The following NYAP2 variants were observed in gnomAD, a reference collection of about 807,000 sequenced individuals.
NYAP2 encodes neuronal tyrosine-phosphorylated phosphoinositide-3-kinase adapter 2.
In NYAP2, 23 loss-of-function variants were observed where a neutral mutation model predicts 50.4. That is an observed-to-expected ratio of 0.46 (90% CI 0.33 to 0.65). The LOEUF (loss-of-function observed/expected upper bound fraction) is 0.65, where lower values mean the gene tolerates loss of function less well. Ranked by LOEUF, NYAP2 falls within the 30% of genes least tolerant of loss-of-function variation. NYAP2 has a pLI of 0.02. For synonymous variants in NYAP2, 394 were observed against 365.2 expected (o/e 1.08, Z -0.90); for missense variants, 885 against 861.0 (o/e 1.03, Z -0.35).
chr2:225,522,029 CCATTTCT>C (rs1691068742), intron 4 of NYAP2, among the ~76,000 whole-genome samples: 1 of 151,994 alleles, frequency 6.6e-6, no homozygotes, highest in Admixed American at 6.6e-5. Flanking sequence ...AGGAATTTAT[CCATTTCT>C]TCCAGATTTT....
intron 3 of NYAP2, among the ~76,000 whole-genome samples, chr2:225,436,503 C>T (rs901843595): frequency 9.9e-5 from 15 of 152,178 alleles, no homozygotes; most frequent in Non-Finnish European, 1.8e-4. Context: ...TTTGTAATAA[C>T]GACACCAGTC....
intron 3 of NYAP2, among the ~76,000 whole-genome samples, chr2:225,512,274 C>T (rs182474643): frequency 3.3e-5 from 5 of 152,272 alleles, no homozygotes; most frequent in Non-Finnish European, 5.9e-5. Context: ...TTTGCATACA[C>T]TGAATATTTA....
At chr2:225,405,058 T>C (rs1027855538) in intron 2 of NYAP2, among the ~76,000 whole-genome samples, 8 of 152,028 alleles carry the variant, frequency 5.3e-5, no homozygotes, top group Non-Finnish European at 1.0e-4. Context: ...ATGAAGACCA[T>C]GGATGCTCAT....
chr2:225,415,463 G>C (rs752719761), intron 3 of NYAP2, among the ~76,000 whole-genome samples: 2 of 152,032 alleles, frequency 1.3e-5, no homozygotes, highest in African/African-American at 4.8e-5. Context: ...TAATTACACA[G>C]AGAGCTCTTA....
chr2:225,553,925 C>A (rs960684983), intron 4 of NYAP2, among the ~76,000 whole-genome samples: 7 of 152,114 alleles, frequency 4.6e-5, no homozygotes, highest in African/African-American at 1.4e-4. Context: ...GAGGCTGAGG[C>A]AGGAGAATCG....
intron 4 of NYAP2, among the ~76,000 whole-genome samples, chr2:225,531,708 A>G (rs182248727): frequency 7.1e-4 from 108 of 152,342 alleles, no homozygotes; most frequent in Admixed American, 1.2e-3. Flanking sequence ...AGAGAAAAGC[A>G]TGGTGATTTA....
At chr2:225,405,019 A>G (rs1007949006) in intron 2 of NYAP2, among the ~76,000 whole-genome samples, 1 of 152,094 alleles carries the variant, frequency 6.6e-6, no homozygotes, top group Non-Finnish European at 1.5e-5. Context: ...AACATTGTGC[A>G]TTGCAAAGAG....
intron 3 of NYAP2, among the ~76,000 whole-genome samples, chr2:225,511,329 C>A (rs200507076): frequency 3.1e-5 from 2 of 63,852 alleles, no homozygotes; most frequent in African/African-American, 8.3e-5. Context: ...TTCTTTAAAA[C>A]ACACACACAC....
At chr2:225,452,906 A>G (rs979313227) in intron 3 of NYAP2, among the ~76,000 whole-genome samples, 2 of 152,142 alleles carry the variant, frequency 1.3e-5, no homozygotes, top group Non-Finnish European at 2.9e-5. Context: ...CGGCACAGTA[A>G]CCAAATGCCT....
the NYAP2 span, among the ~76,000 whole-genome samples, chr2:225,692,757 A>T: frequency 6.6e-6 from 1 of 152,002 alleles, no homozygotes; most frequent in Non-Finnish European, 1.5e-5. Context: ...CAGGATCCCA[A>T]TCAAGTCATT....
At chr2:225,674,444 T>C in the NYAP2 span, among the ~76,000 whole-genome samples, 2 of 152,054 alleles carry the variant, frequency 1.3e-5, no homozygotes, top group South Asian at 2.1e-4. Flanking sequence ...TTTGGAAAAA[T>C]TGACAAGGAA....
chr2:225,667,660 G>T, the NYAP2 span, among the ~76,000 whole-genome samples: 2 of 152,156 alleles, frequency 1.3e-5, no homozygotes, highest in Non-Finnish European at 2.9e-5. Context: ...ATGACAGGGG[G>T]ATTGTAGAAG....
At chr2:225,568,194 T>C (rs549637535) in intron 4 of NYAP2, among the ~76,000 whole-genome samples, 3 of 152,314 alleles carry the variant, frequency 2.0e-5, no homozygotes, top group Admixed American at 2.0e-4. Flanking sequence ...TAACTTGTGA[T>C]TTCCCTCTGC....
intron 3 of NYAP2, among the ~76,000 whole-genome samples, chr2:225,422,358 G>A (rs1325413631): frequency 2.0e-5 from 3 of 152,154 alleles, no homozygotes; most frequent in Non-Finnish European, 2.9e-5. Flanking sequence ...AATTCAGGTA[G>A]ATAAATTGTT....
chr2:225,400,021 G>A (rs1354719027), exon 1 of NYAP2: 1 of 152,010 alleles, frequency 6.6e-6, no homozygotes, highest in Non-Finnish European at 1.5e-5. Context: ...AAAAGAGAGA[G>A]GTTCTGTTGC....
At chr2:225,599,432 G>T (rs1692660425) in intron 5 of NYAP2, among the ~76,000 whole-genome samples, 2 of 152,196 alleles carry the variant, frequency 1.3e-5, no homozygotes, top group South Asian at 4.1e-4. Context: ...CCAAACAGAA[G>T]GTCATGAATT....
At chr2:225,469,158 A>C (rs936839811) in intron 3 of NYAP2, among the ~76,000 whole-genome samples, 1 of 152,210 alleles carries the variant, frequency 6.6e-6, no homozygotes, top group Non-Finnish European at 1.5e-5. Flanking sequence ...AAAAAACTTA[A>C]ACAAATTTAC....
At chr2:225,523,322 T>TCGTATCTAGA (rs1691098206) in intron 4 of NYAP2, among the ~76,000 whole-genome samples, 1 of 148,850 alleles carries the variant, frequency 6.7e-6, no homozygotes, top group South Asian at 2.1e-4. Flanking sequence ...TAGAAAAACC[T>TCGTATCTAGA]AAAGATACCA....
chr2:225,571,498 C>T (rs1297924244), intron 4 of NYAP2, among the ~76,000 whole-genome samples: 1 of 152,218 alleles, frequency 6.6e-6, no homozygotes, highest in Non-Finnish European at 1.5e-5. Context: ...CCCACAGGGC[C>T]CAGCACCACA....
Sources: gnomAD v4.1 joint callset for allele counts (sites outside exome capture counted in the v4.1 genomes callset) on GRCh38, gnomAD v4.1.1 for gene constraint, MANE v1.5 for transcripts, NCBI Gene and HGNC (gene_info 2026-07-23, HGNC 2026-07-21) for gene names.